The following SBF2 variants were observed in gnomAD, a reference collection of about 807,000 sequenced individuals.
The protein encoded by SBF2 is myotubularin-related protein 13.
In SBF2, 112 loss-of-function variants were observed where a neutral mutation model predicts 225.2. The observed-to-expected ratio is 0.50, with a 90% CI of 0.43 to 0.58. The LOEUF (loss-of-function observed/expected upper bound fraction) is 0.58. SBF2 is among the 20% of genes least tolerant of loss of function. The probability of loss-of-function intolerance (pLI) is 0.00; values close to 1 mark genes in which losing one functional copy is unlikely to be tolerated. For missense variants in SBF2, 1,996 were observed against 2,206.2 expected, an observed-to-expected ratio of 0.90 and a Z score of 1.91; for synonymous variants, 763 against 773.3, an observed-to-expected ratio of 0.99 and a Z score of 0.22.
intron 2 of SBF2, among the ~76,000 whole-genome samples, chr11:10,169,572 T>C (rs748814273): frequency 6.6e-6 from 1 of 152,210 alleles, no homozygotes; most frequent in Non-Finnish European, 1.5e-5. Context: ...CTTTATCCGT[T>C]TGTCTGTTGA....
At chr11:9,829,912 T>C (rs1855286597) in intron 27 of SBF2, among the ~76,000 whole-genome samples, 1 of 152,240 alleles carries the variant, frequency 6.6e-6, no homozygotes, top group African/African-American at 2.4e-5. Context: ...TGGGAGTGGG[T>C]TCCTTTGACA....
intron 16 of SBF2, among the ~76,000 whole-genome samples, chr11:9,944,566 A>G (rs188714901): frequency 1.9e-3 from 283 of 152,316 alleles, no homozygotes; most frequent in Non-Finnish European, 3.0e-3. Flanking sequence ...AAATTTTCAC[A>G]AAAGAGTGAA....
intron 16 of SBF2, among the ~76,000 whole-genome samples, chr11:9,911,358 T>C (rs1468616031): frequency 6.7e-6 from 1 of 148,478 alleles, no homozygotes; most frequent in Non-Finnish European, 1.5e-5. Flanking sequence ...CACTCCAGCC[T>C]AGGTGACAGA....
intron 2 of SBF2, among the ~76,000 whole-genome samples, chr11:10,155,227 C>T (rs1955408628): frequency 6.6e-6 from 1 of 152,070 alleles, no homozygotes; most frequent in Admixed American, 6.6e-5. Context: ...TTATTTTATA[C>T]ACTGGTTGCA....
chr11:10,000,582 C>T (rs1335686999), intron 8 of SBF2, among the ~76,000 whole-genome samples: 2 of 152,118 alleles, frequency 1.3e-5, no homozygotes, highest in African/African-American at 2.4e-5. Flanking sequence ...AGACACGTCT[C>T]ACTTCAAAAT....
chr11:10,134,040 C>A (rs556220975), intron 2 of SBF2, among the ~76,000 whole-genome samples: 3 of 152,158 alleles, frequency 2.0e-5, no homozygotes, highest in African/African-American at 7.2e-5. Context: ...TACCTGAGAC[C>A]GGGCAATTTA....
At chr11:9,870,711 C>A (rs994893559) in intron 17 of SBF2, among the ~76,000 whole-genome samples, 7 of 152,180 alleles carry the variant, frequency 4.6e-5, no homozygotes, top group African/African-American at 1.7e-4. Flanking sequence ...CACAGTGGCT[C>A]ATGCCTGTAA....
rs138123815 is a variant in SBF2, at chr11:9,927,836, A to G, written c.1861-31825T>C. On this transcript the variant is annotated intron_variant, in intron 16 of 39. Coordinates refer to ENST00000256190, the MANE Select transcript of SBF2 (RefSeq NM_030962.4). ...ACAGCTAATGTCTGCACTTAAATCTATACTATTTTTCACAAAAGTGCAAAG... is the reference window on the plus strand; with the variant it reads ...ACAGCTAATGTCTGCACTTAAATCTGTACTATTTTTCACAAAAGTGCAAAG... 9.8e-5 allele frequency among the ~76,000 whole-genome samples: 15 copies of G among 152,336 alleles called. No homozygotes were observed. In the South Asian group the frequency reaches 1.2e-3, roughly 13 times the overall value.
At chr11:9,867,791 C>T (rs1377906024) in intron 17 of SBF2, among the ~76,000 whole-genome samples, 1 of 152,036 alleles carries the variant, frequency 6.6e-6, no homozygotes, top group Non-Finnish European at 1.5e-5. Context: ...CATTTTCACA[C>T]ATATCTGGGA....
intron 26 of SBF2, among the ~76,000 whole-genome samples, chr11:9,833,645 C>T (rs1457518470): frequency 6.6e-6 from 1 of 152,094 alleles, no homozygotes; most frequent in Non-Finnish European, 1.5e-5. Flanking sequence ...TGGTCTCGAT[C>T]TCCTGACCTC....
At chr11:9,810,286 A>G (rs1854108870) in intron 30 of SBF2, 1 of 152,188 alleles carries the variant, frequency 6.6e-6, no homozygotes, top group Non-Finnish European at 1.5e-5. Context: ...GAAAAATAAA[A>G]ATAAAAAAGA....
At chr11:9,939,287 G>A (rs911178328) in intron 16 of SBF2, among the ~76,000 whole-genome samples, 6 of 152,010 alleles carry the variant, frequency 3.9e-5, no homozygotes, top group Admixed American at 6.6e-5. Context: ...AAGTAGAGAC[G>A]GGGTTTCACC....
At chr11:9,861,848 A>C (rs906384170) in intron 17 of SBF2, among the ~76,000 whole-genome samples, 2 of 152,168 alleles carry the variant, frequency 1.3e-5, no homozygotes, top group Non-Finnish European at 2.9e-5. Flanking sequence ...CTTCATGTTT[A>C]TGCACAAACT....
Position 9,852,693 on chromosome 11 carries a change from G to T in SBF2, c.2593C>A (p.Leu865Ile), listed in dbSNP as rs371380984. 7.4e-6 allele frequency: 12 copies of T among 1,612,692 alleles called. No homozygotes were observed. In the African/African-American group the frequency reaches 1.5e-4, roughly 20 times the overall value. ...LEAVHRESRR[L>I]PPIQKPKILR... ...GGAATTACCTTCTGAATAGGCGGAA[G>T]TCTTCTGCTTTCTCGATGTACTGCT... The change falls in exon 21 of 40, where the codon CTT becomes ATT. Residue 865 changes from leucine to isoleucine, a missense_variant. Coordinates refer to ENST00000256190, the MANE Select transcript of SBF2 (RefSeq NM_030962.4).
intron 2 of SBF2, among the ~76,000 whole-genome samples, chr11:10,050,431 C>T (rs1346296174): frequency 2.0e-5 from 3 of 151,856 alleles, no homozygotes; most frequent in Non-Finnish European, 4.4e-5. Context: ...TATATGGAAC[C>T]CTATATGTAC....
At chr11:10,171,668 G>A (rs1483910101) in intron 2 of SBF2, among the ~76,000 whole-genome samples, 1 of 152,152 alleles carries the variant, frequency 6.6e-6, no homozygotes, top group East Asian at 1.9e-4. Flanking sequence ...AGGTTTGGAA[G>A]TATTCCCTCC....
At chr11:10,197,156 A>T (rs146623303) in intron 1 of SBF2, among the ~76,000 whole-genome samples, 1 of 152,078 alleles carries the variant, frequency 6.6e-6, no homozygotes, top group African/African-American at 2.4e-5. Flanking sequence ...CCTTTTACTG[A>T]AGCTAGAATT....
intron 32 of SBF2, among the ~76,000 whole-genome samples, chr11:9,799,546 A>G (rs938629329): frequency 1.3e-5 from 2 of 152,260 alleles, no homozygotes; most frequent in Non-Finnish European, 2.9e-5. Context: ...AGTAACAAGC[A>G]TGTAAACATT....
rs138649362 is a variant in SBF2 at position 10,142,804 on chromosome 11, C to G, written c.141+51098G>C. On this transcript the variant is annotated intron_variant, in intron 2 of 39. Coordinates refer to ENST00000256190, the MANE Select transcript of SBF2 (RefSeq NM_030962.4). Reference sequence around the variant, plus strand: ...CATAAACTCGTAGACTGATTTTAACCAATACAACTATTTCACTTCTGTTTG... The same window carrying G: ...CATAAACTCGTAGACTGATTTTAACGAATACAACTATTTCACTTCTGTTTG... Among the ~76,000 whole-genome samples, 929 of 152,286 alleles carry G rather than the reference C, an allele frequency of 6.1e-3. 16 individuals carry two copies. The highest frequency in any genetic ancestry group is 0.02 in the African/African-American group (844 of 41,560).
Sources: allele counts gnomAD v4.1 joint callset (sites outside exome capture counted in the v4.1 genomes callset), GRCh38; gene constraint gnomAD v4.1.1; transcripts MANE v1.5; gene names NCBI Gene and HGNC (gene_info 2026-07-23, HGNC 2026-07-21).